The following SYNDIG1 variants were observed in gnomAD, a reference collection of about 807,000 sequenced individuals.
SYNDIG1 encodes synapse differentiation inducing 1.
A neutral mutation model predicts 19.4 loss-of-function variants in SYNDIG1; 9 were observed. The observed-to-expected ratio is 0.46, with a 90% CI of 0.28 to 0.81. The LOEUF is 0.81. SYNDIG1 is among the 30% of genes least tolerant of loss of function. SYNDIG1 has a pLI of 0.12. For synonymous variants in SYNDIG1, 141 were observed against 145.9 expected (o/e 0.97, Z 0.24); for missense variants, 311 against 343.3 (o/e 0.91, Z 0.74).
At chr20:24,521,208 T>G (rs1479584965) in intron 1 of SYNDIG1, among the ~76,000 whole-genome samples, 1 of 152,228 alleles carries the variant, frequency 6.6e-6, no homozygotes, top group Non-Finnish European at 1.5e-5. Context: ...TGCGTATTCA[T>G]TCCTCTGTCA....
At chr20:24,646,841 G>T (rs2059427248) in intron 3 of SYNDIG1, among the ~76,000 whole-genome samples, 1 of 152,046 alleles carries the variant, frequency 6.6e-6, no homozygotes, top group Non-Finnish European at 1.5e-5. Flanking sequence ...GGCTGGTCTC[G>T]AACTTCTGAC....
intron 2 of SYNDIG1, among the ~76,000 whole-genome samples, chr20:24,548,087 A>G (rs965148377): frequency 2.6e-5 from 4 of 152,142 alleles, no homozygotes; most frequent in East Asian, 1.9e-4. Context: ...GCACTTGGCC[A>G]TCGAATCCTC....
intron 1 of SYNDIG1, among the ~76,000 whole-genome samples, chr20:24,488,843 G>T (rs2056046462): frequency 6.6e-6 from 1 of 152,190 alleles, no homozygotes; most frequent in Non-Finnish European, 1.5e-5. Context: ...TTAATGCCAG[G>T]CCTGGTGCCA....
chr20:24,566,224 G>A (rs899104346), intron 2 of SYNDIG1, among the ~76,000 whole-genome samples: 17 of 152,300 alleles, frequency 1.1e-4, no homozygotes, highest in African/African-American at 4.1e-4. Context: ...TGTGCAGGGA[G>A]CAGCCACAGG....
chr20:24,471,203 G>A, intron 1 of SYNDIG1, among the ~76,000 whole-genome samples: 1 of 152,110 alleles, frequency 6.6e-6, no homozygotes, highest in East Asian at 1.9e-4. Context: ...GCGACCTCAA[G>A]GGCTGCCGCG....
chr20:24,548,231 ACT>A (rs1300117034), intron 2 of SYNDIG1, among the ~76,000 whole-genome samples: 13 of 152,052 alleles, frequency 8.5e-5, no homozygotes, highest in Non-Finnish European at 1.5e-4. Flanking sequence ...CTGACTTTAG[ACT>A]CTGTCTCCTC....
At chr20:24,581,306 A>G (rs1257575112) in intron 2 of SYNDIG1, among the ~76,000 whole-genome samples, 2 of 152,210 alleles carry the variant, frequency 1.3e-5, no homozygotes, top group Non-Finnish European at 2.9e-5. Flanking sequence ...TAGTAATAAC[A>G]CCATCTGTAA....
At chr20:24,530,579 C>T (rs1175615722) in intron 1 of SYNDIG1, among the ~76,000 whole-genome samples, 4 of 152,116 alleles carry the variant, frequency 2.6e-5, no homozygotes, top group East Asian at 1.9e-4. Context: ...GTGAATTACA[C>T]GTATCATTCG....
intron 3 of SYNDIG1, among the ~76,000 whole-genome samples, chr20:24,610,173 C>T (rs2058824090): frequency 6.6e-6 from 1 of 152,178 alleles, no homozygotes; most frequent in African/African-American, 2.4e-5. Context: ...TTTAGACTGA[C>T]ACTGGTGGGT....
intron 2 of SYNDIG1, among the ~76,000 whole-genome samples, chr20:24,565,749 C>G (rs943098156): frequency 2.6e-5 from 4 of 152,134 alleles, no homozygotes; most frequent in Non-Finnish European, 5.9e-5. Flanking sequence ...CAACTCCCAC[C>G]TTCTCCTTCC....
chr20:24,553,359 G>C (rs1005849613), intron 2 of SYNDIG1, among the ~76,000 whole-genome samples: 52 of 152,104 alleles, frequency 3.4e-4, no homozygotes, highest in African/African-American at 1.3e-3. Flanking sequence ...CATTGCTTTT[G>C]GTGTTTTAGA....
intron 1 of SYNDIG1, among the ~76,000 whole-genome samples, chr20:24,476,497 A>G (rs1027405611): frequency 6.6e-6 from 1 of 151,958 alleles, no homozygotes; most frequent in East Asian, 2.0e-4. Context: ...GTGAAACCCC[A>G]TCTCTACCAA....
chr20:24,591,920 A>G (rs2058517553), intron 3 of SYNDIG1, among the ~76,000 whole-genome samples: 1 of 152,174 alleles, frequency 6.6e-6, no homozygotes, highest in Admixed American at 6.5e-5. Flanking sequence ...TCACATTACA[A>G]ATACCCACAT....
chr20:24,564,403 A>G (rs1417464049), intron 2 of SYNDIG1, among the ~76,000 whole-genome samples: 2 of 152,182 alleles, frequency 1.3e-5, no homozygotes, highest in Non-Finnish European at 2.9e-5. Flanking sequence ...ATTTCACAGT[A>G]TTTCCTAAAA....
At chr20:24,529,620 A>G (rs2057199779) in intron 1 of SYNDIG1, among the ~76,000 whole-genome samples, 1 of 152,240 alleles carries the variant, frequency 6.6e-6, no homozygotes. Flanking sequence ...ATTTTCTTCA[A>G]CTACTTAAAA....
intron 1 of SYNDIG1, among the ~76,000 whole-genome samples, chr20:24,497,932 A>G (rs1221915914): frequency 3.9e-5 from 6 of 152,180 alleles, no homozygotes; most frequent in Non-Finnish European, 8.8e-5. Context: ...TTCAACCTGG[A>G]TTGTCCAGAC....
At position 24,577,038 on chromosome 20, in the gene SYNDIG1, C is replaced by A. The variant is rs534616969; in HGVS notation, c.481-7818C>A. On this transcript the variant is annotated intron_variant, in intron 2 of 3. Transcript: ENST00000376862. The stretch of plus-strand genomic sequence containing the variant: ...CTTTCTACAAAAAAAAAACTGCTAC[C>A]TAGGAGGAAAAACTAAAAGTATGAC... 7.0e-4 allele frequency among the ~76,000 whole-genome samples: 106 copies of A among 152,172 alleles called. 1 individual carries two copies. The highest frequency in any genetic ancestry group is 2.5e-3 in the African/African-American group (103 of 41,516).
intron 3 of SYNDIG1, among the ~76,000 whole-genome samples, chr20:24,617,089 G>A (rs550963139): frequency 3.9e-5 from 6 of 152,288 alleles, no homozygotes; most frequent in South Asian, 2.1e-4. Context: ...TCACTCAGGA[G>A]GTTTACATAA....
In SYNDIG1 at chr20:24,474,994, C is replaced by T. The variant is rs902598971; in HGVS notation, c.-79+5241C>T. 2.0e-5 allele frequency among the ~76,000 whole-genome samples: 3 copies of T among 152,204 alleles called. No homozygotes were observed. The East Asian group carries it at 5.8e-4, about 29-fold the overall frequency. ...CTTTCTGAAAGGGAGATACAGTAATCTTACCTCAAATACACTTGGAACCAC... is the reference window on the plus strand; with the variant it reads ...CTTTCTGAAAGGGAGATACAGTAATTTTACCTCAAATACACTTGGAACCAC... On this transcript the variant is annotated intron_variant, in intron 1 of 3. Coordinates refer to ENST00000376862, the MANE Select transcript of SYNDIG1 (RefSeq NM_024893.3).
Sources: gnomAD v4.1 joint callset for allele counts (sites outside exome capture counted in the v4.1 genomes callset) on GRCh38, gnomAD v4.1.1 for gene constraint, MANE v1.5 for transcripts, NCBI Gene and HGNC (gene_info 2026-07-23, HGNC 2026-07-21) for gene names.